CEP290: variants seen among roughly 807,000 people sequenced by gnomAD.
The protein encoded by CEP290 is centrosomal protein of 290 kDa.
CEP290 carries 317 observed loss-of-function variants against 344.9 expected under a neutral mutation model. That is an observed-to-expected ratio of 0.92 (90% CI 0.84 to 1.01). The LOEUF is 1.01. CEP290 is among the 50% of genes least tolerant of loss of function. The pLI is 0.00. For missense variants in CEP290, 2,754 were observed against 2,761.4 expected, an observed-to-expected ratio of 1.00 and a Z score of 0.06; for synonymous variants, 932 against 895.8, an observed-to-expected ratio of 1.04 and a Z score of -0.72.
At chr12:88,136,470 T>C in intron 6 of CEP290, 173 bp downstream of exon 6, 3 of 628,372 alleles carry the variant, frequency 4.8e-6, no homozygotes, top group South Asian at 4.1e-5. Context: ...AGAAGTACCA[T>C]TATATTTTAA....
chr12:88,060,977 C>T lies in CEP290; in HGVS notation c.6375G>A (p.Lys2125=), dbSNP rs1408298921. ...GHVRGSGRSG[K]TIPELEKTIG... ...TGGTTTTTTCCAGTTCTGGGATTGT[C>T]TTTCCACTTCTACCAGACTACGAAA... is the stretch of plus-strand genomic sequence containing the variant. Residue 2125 remains lysine (K), a synonymous_variant, in exon 47 of 54, where the codon AAG becomes AAA. Coordinates refer to ENST00000552810, the MANE Select transcript of CEP290 (RefSeq NM_025114.4). 2.6e-6 allele frequency: 4 copies of T among 1,557,176 alleles called. No homozygotes were observed. Among genetic ancestry groups the T allele is most frequent in the Non-Finnish European group, 3.5e-6 (4 of 1,150,830 alleles).
chr12:88,078,043 G>T (rs1487250657), intron 39 of CEP290, 125 bp from the exon 40 acceptor site: 21 of 317,348 alleles, frequency 6.6e-5, no homozygotes, highest in Non-Finnish European at 1.0e-4. Context: ...GTACACAAGA[G>T]AAAAAAAATA....
rs1435152083 is a variant in CEP290 at position 88,060,904 on chromosome 12, G to A, written c.6448C>T (p.Gln2150Ter). Residue 2150 changes from glutamine (Q) to a stop codon, truncating the protein, a stop_gained, in exon 47 of 54, where the codon CAG (glutamine) becomes TAG (stop). Transcript: ENST00000552810. LOFTEE classifies it high-confidence loss of function. ...AATATTCCTGATGCTTTTTTCAACT[G>A]TTCATTTTCTCTCTGGACTTTTTCA... ...VVEKVQRENE[Q>*]LKKASGILTS... 1 of 1,549,110 alleles carries A rather than the reference G, an allele frequency of 6.5e-7. No individual in the cohort carries two copies. The highest frequency in any genetic ancestry group is 2.0e-5 in the Admixed American group (1 of 50,044).
intron 18 of CEP290, 121 bp from the exon 19 acceptor site, chr12:88,115,303 T>C: frequency 2.9e-6 from 2 of 689,176 alleles, no homozygotes; most frequent in Non-Finnish European, 4.7e-6. Context: ...AAAAACGAGC[T>C]ATGAAGACAT....
rs748258476 is a variant in CEP290 at position 88,060,823 on chromosome 12, A to AT, written c.6522+6_6522+7insA. 6 of 1,515,580 alleles carry AT rather than the reference A, an allele frequency of 4.0e-6. No homozygotes were observed. The highest frequency in any genetic ancestry group is 5.3e-6 in the Non-Finnish European group (6 of 1,135,078). The allele number at this position is 1,515,580 out of a possible 1,614,324, so 93.9% of individuals were successfully genotyped here. A position where few individuals can be genotyped will look rare whatever the true frequency, so the allele number is the denominator to read the frequency against. On this transcript the variant is annotated splice_region_variant and intron_variant, in intron 47 of 53. Transcript: ENST00000552810. The stretch of plus-strand genomic sequence containing the variant: ...CCCCTAAAAATGATCACATTAAAAA[A>AT]AATTACCTTCAATTTTTCATTTTCC...
intron 11 of CEP290, 75 bp downstream of exon 11, chr12:88,128,871 T>C: frequency 2.3e-6 from 2 of 856,450 alleles, no homozygotes. Context: ...ATAAGACATT[T>C]AAAGAAAAAT....
chr12:88,132,538 A>G (rs1446405545), intron 6 of CEP290, among the ~76,000 whole-genome samples: 1 of 152,226 alleles, frequency 6.6e-6, no homozygotes, highest in African/African-American at 2.4e-5. Context: ...GACAAGCTGA[A>G]ATATTTAAGT....
At chr12:88,118,207 C>T (rs2039175358) in intron 17 of CEP290, among the ~76,000 whole-genome samples, 2 of 151,944 alleles carry the variant, frequency 1.3e-5, no homozygotes, top group Admixed American at 6.6e-5. Context: ...AAATACTATA[C>T]TATAAAACTT....
At chr12:88,077,622 A>G in intron 40 of CEP290, 75 bp downstream of exon 40, 1 of 916,780 alleles carries the variant, frequency 1.1e-6, no homozygotes, top group Non-Finnish European at 1.6e-6. Context: ...TACCATAGAT[A>G]AAATGATAAA....
At chr12:88,069,133 A>C (rs1214292639) in intron 43 of CEP290, among the ~76,000 whole-genome samples, 1 of 152,140 alleles carries the variant, frequency 6.6e-6, no homozygotes, top group African/African-American at 2.4e-5. Flanking sequence ...TGCCACCTCC[A>C]CATCTATCCA....
At chr12:88,121,399 C>A (rs1345753943) in intron 13 of CEP290, among the ~76,000 whole-genome samples, 1 of 152,032 alleles carries the variant, frequency 6.6e-6, no homozygotes. Flanking sequence ...TAAAAGGTTG[C>A]AAAATACTGC....
At chr12:88,126,518 C>T (rs563390436) in intron 11 of CEP290, 80 bp from the exon 12 acceptor site, 19 of 944,974 alleles carry the variant, frequency 2.0e-5, no homozygotes, top group Middle Eastern at 3.4e-4. Context: ...TAATAAACAC[C>T]GTTAGTAGAT....
chr12:88,073,092 C>T (rs965574626), intron 41 of CEP290, among the ~76,000 whole-genome samples: 3 of 152,112 alleles, frequency 2.0e-5, no homozygotes, highest in African/African-American at 7.2e-5. Flanking sequence ...GATATTAATA[C>T]AGTAAAAAAT....
chr12:88,087,936 G>A lies in CEP290; in HGVS notation c.4038C>T (p.Asn1346=), dbSNP rs2137251909. 2 of 1,161,728 alleles carry A rather than the reference G, an allele frequency of 1.7e-6. No homozygotes were observed. The highest frequency in any genetic ancestry group is 1.1e-6 in the Non-Finnish European group (1 of 905,440). 72.0% of individuals were successfully genotyped at this position (1,161,728 alleles called of 1,614,324 possible). The part of the protein sequence containing the change: ...KDTKGAQKVI[N]WHMKIEELRL... The stretch of plus-strand genomic sequence containing the variant: ...GAAGTTCTTCTATTTTCATATGCCA[G>A]TTGATTACCTAAGATTTACAATTTA... Residue 1346 remains asparagine, a synonymous_variant, in exon 32 of 54, where the codon AAC becomes AAT. Transcript: ENST00000552810.
intron 53 of CEP290, 41 bp from the exon 54 acceptor site, chr12:88,049,455 A>C: frequency 9.7e-7 from 1 of 1,027,474 alleles, no homozygotes; most frequent in Non-Finnish European, 1.4e-6. Flanking sequence ...TATAGGAAAT[A>C]TACATATTTT....
chr12:88,080,190 G>T lies in CEP290; in HGVS notation c.5218C>A (p.Gln1740Lys). ...TTTCTGTTGTTACTTACTTTCTGTT[G>T]TTTCTCCTTCAAGGCTAATTGGCTC... is the stretch of plus-strand genomic sequence containing the variant. ...LKSQLALKEK[Q>K]QKALSRALLE... The change falls in exon 38 of 54, where the codon CAA becomes AAA. Residue 1740 changes from glutamine to lysine, a missense_variant. Physicochemically the swap from Gln to Lys is moderately conservative, Grantham distance 53. Coordinates refer to ENST00000552810, the MANE Select transcript of CEP290 (RefSeq NM_025114.4). 6.3e-7 allele frequency: 1 copy of T among 1,595,442 alleles called. No individual in the cohort carries two copies. Among genetic ancestry groups the T allele is most frequent in the African/African-American group, 1.3e-5 (1 of 74,318 alleles).
chr12:88,118,952 C>A (rs1269272810), intron 15 of CEP290, among the ~76,000 whole-genome samples: 1 of 152,212 alleles, frequency 6.6e-6, no homozygotes, highest in South Asian at 2.1e-4. Context: ...TAACAAAAAC[C>A]TAAATGAAAT....
chr12:88,135,266 A>G (rs533364810), intron 6 of CEP290, among the ~76,000 whole-genome samples: 1 of 152,320 alleles, frequency 6.6e-6, no homozygotes, highest in Non-Finnish European at 1.5e-5. Flanking sequence ...AACACAGGCC[A>G]TATATTCAAG....
At chr12:88,065,523 G>C (rs559570390) in intron 44 of CEP290, among the ~76,000 whole-genome samples, 1 of 152,268 alleles carries the variant, frequency 6.6e-6, no homozygotes, top group East Asian at 1.9e-4. Flanking sequence ...CAGTTTATAA[G>C]TGAAGGCATT....
Sources: gnomAD v4.1 joint callset for allele counts (sites outside exome capture counted in the v4.1 genomes callset) on GRCh38, gnomAD v4.1.1 for gene constraint, MANE v1.5 for transcripts, NCBI Gene and HGNC (gene_info 2026-07-23, HGNC 2026-07-21) for gene names.